Variants in SLC6A14 observed in about 807,000 individuals in gnomAD.
SLC6A14 encodes the protein sodium- and chloride-dependent neutral and basic amino acid transporter B(0+).
A neutral mutation model predicts 51.4 loss-of-function variants in SLC6A14; 21 were observed. The observed-to-expected ratio is 0.41, with a 90% CI of 0.29 to 0.59. The LOEUF (loss-of-function observed/expected upper bound fraction) is 0.59. Ranked by LOEUF, SLC6A14 falls within the 20% of genes least tolerant of loss-of-function variation. The pLI is 0.31. For missense variants in SLC6A14, 371 were observed against 472.8 expected (o/e 0.78, Z 2.00); for synonymous variants, 177 against 160.7 (o/e 1.10, Z -0.77).
chrX:116,458,436 C>T (rs782643818), intron 13 of SLC6A14, among the ~76,000 whole-genome samples: 28 of 111,466 alleles, frequency 2.5e-4, no homozygotes, highest in Non-Finnish European at 5.3e-4. Context: ...CAGGTATACA[C>T]TGGTTTAGAT....
intron 1 of SLC6A14, 78 bp from the exon 2 acceptor site, chrX:116,437,712 C>A: frequency 1.0e-6 from 1 of 998,108 alleles, no homozygotes; most frequent in South Asian, 2.3e-5. Context: ...TTCTGTTGCT[C>A]TATGGATTTG....
intron 3 of SLC6A14, among the ~76,000 whole-genome samples, chrX:116,441,912 G>C (rs1219496787): frequency 8.9e-6 from 1 of 111,865 alleles, no homozygotes; most frequent in Non-Finnish European, 1.9e-5. Flanking sequence ...CATTATTTTA[G>C]AGGCTTCATT....
chrX:116,446,394 C>T (rs1355101495), intron 6 of SLC6A14, among the ~76,000 whole-genome samples: 1 of 111,630 alleles, frequency 9.0e-6, no homozygotes, highest in African/African-American at 3.3e-5. Context: ...CACCTCAATG[C>T]AGTAATTTAC....
rs1313131789 is a variant in SLC6A14, at chrX:116,459,829, T to G, written c.*874T>G. On this transcript the variant is annotated 3_prime_UTR_variant, in exon 14 of 14. Transcript: ENST00000598581. ...TTAATGAGAAAATGGCTTTAATCAA[T>G]TCTAGCATTTTATTACTGTAATACA... 2.7e-5 allele frequency: 3 copies of G among 112,159 alleles called. No homozygotes were observed. Among genetic ancestry groups the G allele is most frequent in the Admixed American group, 9.5e-5 (1 of 10,556 alleles). The allele number at this position is 112,159 out of a possible 1,213,427, so 9.2% of individuals were successfully genotyped here.
At chrX:116,451,760 C>A in intron 8 of SLC6A14, 90 bp downstream of exon 8, 2 of 517,257 alleles carry the variant, frequency 3.9e-6, no homozygotes, top group East Asian at 3.8e-5. Context: ...TTACTTGACA[C>A]AGTCATGATT....
intron 7 of SLC6A14, among the ~76,000 whole-genome samples, chrX:116,449,600 A>G (rs1319311006): frequency 1.8e-5 from 2 of 112,466 alleles, no homozygotes; most frequent in African/African-American, 6.5e-5. Flanking sequence ...TCTAAAGTTT[A>G]TTTGAAAAAG....
intron 7 of SLC6A14, among the ~76,000 whole-genome samples, chrX:116,448,373 C>A (rs1927758711): frequency 8.9e-6 from 1 of 111,755 alleles, no homozygotes; most frequent in South Asian, 3.7e-4. Context: ...GTCCACAGGA[C>A]ATCTTAATTT....
chrX:116,454,981 G>A lies in SLC6A14; in HGVS notation c.1409G>A (p.Gly470Glu). 3 of 1,192,462 alleles carry A rather than the reference G, an allele frequency of 2.5e-6. No individual in the cohort carries two copies. Among genetic ancestry groups the A allele is most frequent in the Non-Finnish European group, 3.4e-6 (3 of 883,304 alleles). Residue 470 changes from glycine to glutamate, a missense_variant, in exon 11 of 14, where the codon GGA (glycine) becomes GAA (glutamate). Gly to Glu is a moderately conservative substitution (Grantham distance 98). This residue lies in a region of SLC6A14 where 277 missense variants were observed against 391.8 expected (regional missense o/e 0.71). Transcript: ENST00000598581. ...LLGLVCVTQA[G>E]IYWVHLIDHF... ...TAATTAACATTTTTTTGGTAGGCTG[G>A]AATTTACTGGGTTCATCTGATTGAC...
rs1569539640 is a variant in SLC6A14 at position 116,444,921 on chromosome X, A to G, written c.660A>G (p.Lys220=). ...TAAAATGGCTTATGTGTTTCAGTAA[A>G]GTGGCGCTCCAACGGTCAAGTGGAA... ...GQLPSEQYWN[K]VALQRSSGMN... Residue 220 remains lysine, a synonymous_variant, in exon 6 of 14, where the codon AAA becomes AAG. Coordinates refer to ENST00000598581, the MANE Select transcript of SLC6A14 (RefSeq NM_007231.5). 8.3e-7 allele frequency: 1 copy of G among 1,210,324 alleles called. No individual in the cohort carries two copies.
At chrX:116,440,476 C>A (rs1556693583) in intron 2 of SLC6A14, among the ~76,000 whole-genome samples, 1 of 112,043 alleles carries the variant, frequency 8.9e-6, no homozygotes, top group African/African-American at 3.2e-5. Context: ...AGAAAGATAA[C>A]CAATGTTGAA....
At chrX:116,437,581 C>A (rs551248358) in intron 1 of SLC6A14, among the ~76,000 whole-genome samples, 4 of 111,727 alleles carry the variant, frequency 3.6e-5, no homozygotes, top group African/African-American at 1.3e-4. Flanking sequence ...TATCTACCTA[C>A]AGAACTTTGC....
intron 7 of SLC6A14, among the ~76,000 whole-genome samples, chrX:116,449,477 G>T (rs1320789708): frequency 5.4e-5 from 6 of 111,251 alleles, no homozygotes; most frequent in Non-Finnish European, 9.4e-5. Flanking sequence ...GTTAATATGG[G>T]CAATGACCAA....
chrX:116,440,609 GGC>G (rs1556693589), intron 2 of SLC6A14, among the ~76,000 whole-genome samples: 10 of 111,630 alleles, frequency 9.0e-5, no homozygotes, highest in Non-Finnish European at 1.9e-4. Context: ...TCAGATGTTA[GGC>G]AAATTGCTGG....
chrX:116,442,439 A>G (rs1927617296), intron 3 of SLC6A14, among the ~76,000 whole-genome samples: 1 of 109,540 alleles, frequency 9.1e-6, no homozygotes, highest in South Asian at 4.0e-4. Flanking sequence ...TAATTTTTGT[A>G]TTTTCAGTAG....
chrX:116,457,294 T>G (rs1259402514), intron 12 of SLC6A14, among the ~76,000 whole-genome samples: 1 of 111,799 alleles, frequency 8.9e-6, no homozygotes, highest in Non-Finnish European at 1.9e-5. Context: ...AAATTTCAGA[T>G]ATTATTTTAC....
At chrX:116,449,930 C>A (rs1357948726) in intron 7 of SLC6A14, among the ~76,000 whole-genome samples, 1 of 111,656 alleles carries the variant, frequency 9.0e-6, no homozygotes, top group African/African-American at 3.3e-5. Context: ...ATTTAGGAAA[C>A]AACATCAGTT....
chrX:116,444,890 TGA>T, intron 5 of SLC6A14, 26 bp from the exon 6 acceptor site: 1 of 1,204,471 alleles, frequency 8.3e-7, no homozygotes, highest in Non-Finnish European at 1.1e-6. Context: ...AGTGATTCTG[TGA>T]TCATAAAATG....
intron 3 of SLC6A14, among the ~76,000 whole-genome samples, chrX:116,442,270 T>C (rs1342226767): frequency 9.0e-6 from 1 of 111,325 alleles, no homozygotes; most frequent in Non-Finnish European, 1.9e-5. Context: ...TTTAAAACAG[T>C]CTTTATTTAT....
At chrX:116,447,014 C>A in intron 7 of SLC6A14, 133 bp downstream of exon 7, 1 of 475,928 alleles carries the variant, frequency 2.1e-6, no homozygotes, top group South Asian at 5.6e-5. Context: ...TTATTAGTTT[C>A]TATCCACTAG....
Sources: gnomAD v4.1 joint callset for allele counts (sites outside exome capture counted in the v4.1 genomes callset) on GRCh38, gnomAD v4.1.1 for gene constraint, gnomAD v4.1.1 regional missense constraint, MANE v1.5 for transcripts, NCBI Gene and HGNC (gene_info 2026-07-23, HGNC 2026-07-21) for gene names.